The following ERLEC1 variants were observed in gnomAD, a reference collection of about 807,000 sequenced individuals.
ERLEC1 encodes ER lectin.
In ERLEC1, 47 loss-of-function variants were observed where a neutral mutation model predicts 68.0. That is an observed-to-expected ratio of 0.69 (90% confidence interval 0.55 to 0.88). ERLEC1 has a LOEUF of 0.88. Ranked by LOEUF, ERLEC1 falls within the 40% of genes least tolerant of loss-of-function variation. The pLI, the probability that ERLEC1 is intolerant of heterozygous loss-of-function variation, is 0.00. For missense variants in ERLEC1, 567 were observed against 583.8 expected, an observed-to-expected ratio of 0.97 and a Z score of 0.30; for synonymous variants, 225 against 203.2, an observed-to-expected ratio of 1.11 and a Z score of -0.91.
At chr2:53,796,675 C>T (rs962530554) in intron 3 of ERLEC1, among the ~76,000 whole-genome samples, 2 of 151,886 alleles carry the variant, frequency 1.3e-5, no homozygotes, top group South Asian at 2.1e-4. Context: ...GTCTCAGACT[C>T]CTGAACTCAA....
intron 10 of ERLEC1, 37 bp downstream of exon 10, chr2:53,809,310 A>C: frequency 7.2e-7 from 1 of 1,384,814 alleles, no homozygotes; most frequent in Non-Finnish European, 9.7e-7. Flanking sequence ...CTACCACTAG[A>C]TGGTTTAAAG....
intron 1 of ERLEC1, chr2:53,788,451 G>A (rs1037780304): frequency 2.0e-5 from 3 of 152,174 alleles, no homozygotes; most frequent in African/African-American, 7.2e-5. Context: ...TGCCCATTCT[G>A]AAGTGCAGTG....
At chr2:53,809,426 G>C (rs954742400) in intron 10 of ERLEC1, among the ~76,000 whole-genome samples, 153 bp downstream of exon 10, 1 of 152,114 alleles carries the variant, frequency 6.6e-6, no homozygotes, top group Non-Finnish European at 1.5e-5. Flanking sequence ...TTTGGAAAAT[G>C]GAACATTTGG....
chr2:53,795,920 A>T lies in ERLEC1; in HGVS notation c.268-13A>T, dbSNP rs761544039. The T allele has an allele frequency of 1.3e-6, 2 of 1,568,298 alleles. No individual in the cohort carries two copies. The highest frequency in any genetic ancestry group is 2.3e-5 in the South Asian group (2 of 86,030). On this transcript the variant is annotated splice_polypyrimidine_tract_variant and intron_variant, in intron 2 of 13. Coordinates refer to ENST00000185150, the MANE Select transcript of ERLEC1 (RefSeq NM_015701.5). ...AGAAAAACTGTAAGTATTAAACTCC[A>T]ATTCTTTCTTAGGAAGAAGAAAAGG...
chr2:53,797,592 G>A lies in ERLEC1; in HGVS notation c.426G>A (p.Gln142=). The A allele has an allele frequency of 1.2e-6, 2 of 1,608,638 alleles. No individual in the cohort carries two copies. Among genetic ancestry groups the A allele is most frequent in the South Asian group, 2.2e-5 (2 of 89,370 alleles). The change falls in exon 4 of 14, where the codon CAG becomes CAA. Residue 142 remains glutamine (Q), a splice_region_variant and synonymous_variant. Transcript: ENST00000185150. The stretch of plus-strand genomic sequence containing the variant: ...ACCATGAAGAGAAAGAAACTGGTCA[G>A]GTGTGTTTTTCTTCAAAATATTATT... The part of the protein sequence containing the change: ...RQYHEEKETG[Q]KINIHEYYLG...
intron 1 of ERLEC1, 36 bp from the exon 2 acceptor site, chr2:53,794,309 G>T: frequency 1.1e-6 from 1 of 910,482 alleles, no homozygotes. Context: ...ACAATTTCAC[G>T]GAGAACATAA....
At chr2:53,790,233 G>A (rs1675317712) in intron 1 of ERLEC1, among the ~76,000 whole-genome samples, 1 of 148,408 alleles carries the variant, frequency 6.7e-6, no homozygotes, top group Non-Finnish European at 1.5e-5. Context: ...AGCTGGGATT[G>A]TAAGCGTGCG....
rs535233542 is a variant in ERLEC1, at chr2:53,816,711, A to G, written c.1381-1187A>G. 8.5e-5 allele frequency among the ~76,000 whole-genome samples: 13 copies of G among 152,228 alleles called. No individual in the cohort carries two copies. In the East Asian group the frequency reaches 1.7e-3, roughly 20 times the overall value. ...CCCAAAATCATGAAAATATTCTCCTATATTTCCTTCTAAAGACTTTATGGT... is the reference window on the plus strand; with the variant it reads ...CCCAAAATCATGAAAATATTCTCCTGTATTTCCTTCTAAAGACTTTATGGT... On this transcript the variant is annotated intron_variant, in intron 13 of 13. Coordinates refer to ENST00000185150, the MANE Select transcript of ERLEC1 (RefSeq NM_015701.5).
rs1392375825 is a variant in ERLEC1 at position 53,787,137 on chromosome 2, A to C, written c.-74A>C. On this transcript the variant is annotated 5_prime_UTR_variant, in exon 1 of 14. Coordinates refer to ENST00000185150, the MANE Select transcript of ERLEC1 (RefSeq NM_015701.5). Reference sequence around the variant, plus strand: ...TTATAGTCCCGCCGCCTCCTCCTCCACCTCCTCCTCCTCCTCCTCTCCTCC... The same window carrying C: ...TTATAGTCCCGCCGCCTCCTCCTCCCCCTCCTCCTCCTCCTCCTCTCCTCC... 36 of 1,021,754 alleles carry C rather than the reference A, an allele frequency of 3.5e-5. No individual in the cohort carries two copies. Among genetic ancestry groups the C allele is most frequent in the East Asian group, 4.2e-5 (1 of 24,082 alleles). 63.3% of individuals were successfully genotyped at this position (1,021,754 alleles called of 1,614,324 possible).
At position 53,808,356 on chromosome 2, in the gene ERLEC1, A is replaced by G. The variant is rs139633876; in HGVS notation, c.937A>G (p.Ile313Val). The G allele has an allele frequency of 8.2e-5, 132 of 1,614,102 alleles. No individual in the cohort carries two copies. The highest frequency in any genetic ancestry group is 1.7e-4 in the Admixed American group (10 of 60,008). The change falls in exon 9 of 14, where the codon ATT (isoleucine) becomes GTT (valine). Residue 313 changes from isoleucine (I) to valine (V), a missense_variant. By Grantham distance (29) the Ile-to-Val change is conservative (BLOSUM62 3). Coordinates refer to ENST00000185150, the MANE Select transcript of ERLEC1 (RefSeq NM_015701.5). ...RFPAIHKSIA[I>V]GSQPVLTVGT... Reference sequence around the variant, plus strand: ...TCCAGCGATCCACAAGTCGATTGCTATTGGCTCTCAGCCAGTGCTCACTGT... The same window carrying G: ...TCCAGCGATCCACAAGTCGATTGCTGTTGGCTCTCAGCCAGTGCTCACTGT...
At chr2:53,800,272 A>C (rs1043598353) in intron 6 of ERLEC1, among the ~76,000 whole-genome samples, 4 of 152,156 alleles carry the variant, frequency 2.6e-5, no homozygotes, top group Admixed American at 2.0e-4. Flanking sequence ...CCGCAATGCC[A>C]ATATCAAATA....
intron 1 of ERLEC1, among the ~76,000 whole-genome samples, chr2:53,790,007 G>A: frequency 7.0e-6 from 1 of 142,018 alleles, no homozygotes; most frequent in African/African-American, 2.6e-5. Flanking sequence ...CGACAGAGGA[G>A]TCTGTCTCAA....
intron 8 of ERLEC1, 127 bp from the exon 9 acceptor site, chr2:53,808,172 T>C (rs1234687532): frequency 2.2e-6 from 2 of 924,206 alleles, no homozygotes; most frequent in Non-Finnish European, 3.2e-6. Context: ...TCTTAAAGTG[T>C]ATTAAAAGCA....
At chr2:53,796,274 T>G (rs1296127360) in intron 3 of ERLEC1, among the ~76,000 whole-genome samples, 2 of 147,354 alleles carry the variant, frequency 1.4e-5, no homozygotes, top group Non-Finnish European at 3.0e-5. Context: ...CTTTTAATCC[T>G]CTCCCTCCTC....
intron 1 of ERLEC1, among the ~76,000 whole-genome samples, chr2:53,791,973 G>A (rs550052186): frequency 6.7e-6 from 1 of 149,920 alleles, no homozygotes; most frequent in Middle Eastern, 3.5e-3. Flanking sequence ...GTGCAGTGGC[G>A]AGGTCTCAGC....
chr2:53,806,326 A>G (rs17045242), intron 8 of ERLEC1, among the ~76,000 whole-genome samples: 16,398 of 152,230 alleles, frequency 0.11, 1,385 homozygotes, highest in African/African-American at 0.23. Context: ...ATAAAGGGTC[A>G]TGCTTCTATT....
At chr2:53,791,928 A>G (rs1302923104) in intron 1 of ERLEC1, among the ~76,000 whole-genome samples, 1 of 145,790 alleles carries the variant, frequency 6.9e-6, no homozygotes, top group Non-Finnish European at 1.5e-5. Context: ...AAAAAAAAAA[A>G]AAAGACGGAG....
chr2:53,817,490 T>C (rs572690630), intron 13 of ERLEC1, among the ~76,000 whole-genome samples: 2 of 152,348 alleles, frequency 1.3e-5, no homozygotes, highest in South Asian at 4.1e-4. Flanking sequence ...ACATGTTTTC[T>C]TCATCATGTT....
chr2:53,815,797 TA>T (rs1349556861), intron 13 of ERLEC1, among the ~76,000 whole-genome samples: 1 of 152,214 alleles, frequency 6.6e-6, no homozygotes, highest in African/African-American at 2.4e-5. Context: ...GATACTTTGT[TA>T]CATCCATAGA....
Sources: allele counts gnomAD v4.1 joint callset (sites outside exome capture counted in the v4.1 genomes callset), GRCh38; gene constraint gnomAD v4.1.1; transcripts MANE v1.5; gene names NCBI Gene and HGNC (gene_info 2026-07-23, HGNC 2026-07-21).